Variants in USP8 observed in about 807,000 individuals in gnomAD.
USP8 encodes the protein ubiquitin specific peptidase 8.
In USP8, 27 loss-of-function variants were observed where a neutral mutation model predicts 130.0. The observed-to-expected ratio is 0.21, with a 90% CI of 0.15 to 0.29. The LOEUF is 0.29. USP8 is among the 10% of genes least tolerant of loss of function. The pLI, the probability that USP8 is intolerant of heterozygous loss-of-function variation, is 1.00. For missense variants in USP8, 1,029 were observed against 1,312.2 expected, an observed-to-expected ratio of 0.78 and a Z score of 3.33; for synonymous variants, 392 against 444.1, an observed-to-expected ratio of 0.88 and a Z score of 1.48.
intron 8 of USP8, among the ~76,000 whole-genome samples, chr15:50,476,205 C>T (rs1595958992): frequency 1.3e-5 from 2 of 152,106 alleles, no homozygotes; most frequent in African/African-American, 2.4e-5. Flanking sequence ...TGAGCCAGGT[C>T]GATCACTTAA....
intron 4 of USP8, among the ~76,000 whole-genome samples, chr15:50,449,884 A>G (rs758583678): frequency 3.2e-5 from 4 of 123,308 alleles, no homozygotes; most frequent in African/African-American, 6.2e-5. Flanking sequence ...CCTGGCCCCA[A>G]TATTTCTTTT....
intron 17 of USP8, 79 bp downstream of exon 17, chr15:50,496,163 G>A: frequency 1.7e-6 from 2 of 1,186,862 alleles, no homozygotes; most frequent in Non-Finnish European, 2.4e-6. Context: ...TAAATTTCTG[G>A]TCTTTACCCT....
Position 50,509,993 on chromosome 15 carries a change from A to T in USP8, c.*10905A>T, listed in dbSNP as rs567743150. 128 of 152,258 alleles carry T rather than the reference A, an allele frequency of 8.4e-4. 1 individual carries two copies. Among genetic ancestry groups the T allele is most frequent in the African/African-American group, 3.0e-3 (124 of 41,586 alleles). The allele number at this position is 152,258 out of a possible 1,614,324, so 9.4% of individuals were successfully genotyped here. On this transcript the variant is annotated 3_prime_UTR_variant, in exon 20 of 20. Transcript: ENST00000307179. The stretch of plus-strand genomic sequence containing the variant: ...CTGCCAGATATCAATGTTTATTTCA[A>T]AGCTATAGCTATAATTAATATTCAT...
chr15:50,429,538 A>G lies in USP8; in HGVS notation c.-66+5024A>G, dbSNP rs146972673. ...TTAGAATTCATTTGGGAAGCTTTTT[A>G]AAAATACCTATGTGGGCAAGGCGAG... On this transcript the variant is annotated intron_variant, in intron 1 of 19. Coordinates refer to ENST00000307179, the MANE Select transcript of USP8 (RefSeq NM_005154.5). Among the ~76,000 whole-genome samples the G allele has an allele frequency of 4.3e-4, 65 of 152,250 alleles. No individual in the cohort carries two copies. In the East Asian group the frequency reaches 0.012, roughly 28 times the overall value.
chr15:50,455,726 G>A (rs1228890276), intron 4 of USP8, among the ~76,000 whole-genome samples: 5 of 152,114 alleles, frequency 3.3e-5, no homozygotes, highest in African/African-American at 7.2e-5. Context: ...ATACTCAAAC[G>A]TTAAGTTTTC....
chr15:50,452,555 T>A (rs1461564496), intron 4 of USP8, among the ~76,000 whole-genome samples: 1 of 152,212 alleles, frequency 6.6e-6, no homozygotes, highest in Non-Finnish European at 1.5e-5. Context: ...CTGACTGTGC[T>A]TACTTCTTAG....
At chr15:50,496,765 A>G (rs891228088) in intron 17 of USP8, 2 of 190,784 alleles carry the variant, frequency 1.0e-5, no homozygotes, top group African/African-American at 4.6e-5. Flanking sequence ...AATGTTTCTT[A>G]TATAAAAGCT....
chr15:50,491,851 C>T (rs1027210181), intron 14 of USP8, among the ~76,000 whole-genome samples: 2 of 152,158 alleles, frequency 1.3e-5, no homozygotes, highest in South Asian at 4.1e-4. Context: ...TACTTTGAAA[C>T]GTGATTAGTG....
chr15:50,480,985 G>A (rs1201026659), intron 10 of USP8, among the ~76,000 whole-genome samples: 4 of 151,898 alleles, frequency 2.6e-5, no homozygotes, highest in South Asian at 2.1e-4. Context: ...CATATCATGG[G>A]ACTCAGGTTT....
rs778262652 is a variant in USP8 at position 50,498,886 on chromosome 15, T to TATC, written c.3172-16_3172-14dup. 4.5e-6 allele frequency: 7 copies of TATC among 1,566,932 alleles called. No individual in the cohort carries two copies. Among genetic ancestry groups the TATC allele is most frequent in the Admixed American group, 2.0e-5 (1 of 50,046 alleles). On this transcript the variant is annotated splice_polypyrimidine_tract_variant and intron_variant, in intron 19 of 19. Coordinates refer to ENST00000307179, the MANE Select transcript of USP8 (RefSeq NM_005154.5). ...TTTTAACTGAATTGATTTTTTTTTC[T>TATC]ATCTTGTTTGGCACAGAATCACTAC...
In USP8 at chr15:50,439,061, A is replaced by G. The variant is rs756055426; in HGVS notation, c.-13A>G. 6 of 1,592,516 alleles carry G rather than the reference A, an allele frequency of 3.8e-6. No individual in the cohort carries two copies. The East Asian group carries it at 1.3e-4, about 36-fold the overall frequency. On this transcript the variant is annotated 5_prime_UTR_variant, in exon 2 of 20. Coordinates refer to ENST00000307179, the MANE Select transcript of USP8 (RefSeq NM_005154.5). ...CATCCATTGTGAAAGTGGAAAAGTA[A>G]AGATAATTCATCATGCCTGCTGTGG...
intron 1 of USP8, among the ~76,000 whole-genome samples, chr15:50,437,323 T>C (rs565581351): frequency 6.6e-6 from 1 of 152,334 alleles, no homozygotes; most frequent in South Asian, 2.1e-4. Context: ...CCAAGAAATA[T>C]AATGTTGCGT....
At chr15:50,432,394 C>G (rs1217527127) in intron 1 of USP8, 1 of 152,246 alleles carries the variant, frequency 6.6e-6, no homozygotes, top group African/African-American at 2.4e-5. Flanking sequence ...TCAAGCAGTC[C>G]TCCCACCTCA....
chr15:50,431,165 C>CTGTGTGTGTGTGTGTGTGTGTGTGTGTG (rs56771450), intron 1 of USP8, among the ~76,000 whole-genome samples: 3,871 of 140,858 alleles, frequency 0.027, 90 homozygotes, highest in African/African-American at 0.035. Context: ...GTGTGTGCCT[C>CTGTGTGTGTGTGTGTGTGTGTGTGTGTG]TGTGTGTGTG....
At chr15:50,452,189 A>C (rs917814787) in intron 4 of USP8, among the ~76,000 whole-genome samples, 6 of 152,346 alleles carry the variant, frequency 3.9e-5, no homozygotes, top group African/African-American at 1.2e-4. Context: ...CCCGTTTCTT[A>C]TTATTATCTT....
chr15:50,433,053 C>T (rs2049979497), intron 1 of USP8, among the ~76,000 whole-genome samples: 1 of 152,086 alleles, frequency 6.6e-6, no homozygotes, highest in Non-Finnish European at 1.5e-5. Flanking sequence ...ACCAGCCTGG[C>T]CAACATGGAG....
rs1431402863 is a variant in USP8, at chr15:50,508,751, A to C, written c.*9663A>C. On this transcript the variant is annotated 3_prime_UTR_variant, in exon 20 of 20. Transcript: ENST00000307179. Reference sequence around the variant, plus strand: ...AGTGGTTCATGCCTATAATCCCTGCACTTTGGGAGGCCAAGGCAGATGGAT... The same window carrying C: ...AGTGGTTCATGCCTATAATCCCTGCCCTTTGGGAGGCCAAGGCAGATGGAT... The C allele has an allele frequency of 6.6e-6, 1 of 152,134 alleles. No homozygotes were observed. Among genetic ancestry groups the C allele is most frequent in the Non-Finnish European group, 1.5e-5 (1 of 68,034 alleles). 9.4% of individuals were successfully genotyped at this position (152,134 alleles called of 1,614,324 possible).
At chr15:50,484,387 C>A (rs764527104) in intron 12 of USP8, 26 bp downstream of exon 12, 4 of 1,585,304 alleles carry the variant, frequency 2.5e-6, no homozygotes, top group African/African-American at 1.4e-5. Context: ...CAGGAAAAAA[C>A]TGGAAAAAAA....
At position 50,494,264 on chromosome 15, in the gene USP8, A is replaced by G; in HGVS notation, c.2642A>G (p.His881Arg). 6.2e-7 allele frequency: 1 copy of G among 1,606,600 alleles called. No homozygotes were observed. Among genetic ancestry groups the G allele is most frequent in the Non-Finnish European group, 8.5e-7 (1 of 1,178,220 alleles). The change falls in exon 16 of 20, where the codon CAT becomes CGT. Residue 881 changes from histidine (H) to arginine (R), a missense_variant. Around this residue, in one of 4 missense-constraint regions of USP8, gnomAD observed 257 missense variants for 429.8 expected, o/e 0.60. Transcript: ENST00000307179. ...ELLLFLMDGL[H>R]EDLNKADNRK... ...CTTCTGTTCCTAATGGATGGTCTCC[A>G]TGAAGATCTAAATAAAGTAAGAAAT...
Sources: allele counts gnomAD v4.1 joint callset (sites outside exome capture counted in the v4.1 genomes callset), GRCh38; gene constraint gnomAD v4.1.1; regional missense constraint gnomAD v4.1.1; transcripts MANE v1.5; gene names NCBI Gene and HGNC (gene_info 2026-07-23, HGNC 2026-07-21).